DLC1: variants seen among roughly 807,000 people sequenced by gnomAD.
DLC1 encodes rho GTPase-activating protein 7.
In DLC1, 54 loss-of-function variants were observed where a neutral mutation model predicts 140.3. That is an observed-to-expected ratio of 0.38 (90% CI 0.31 to 0.48). DLC1 has a LOEUF of 0.48. Among genes scored for constraint, DLC1 ranks in the 20% least tolerant of loss-of-function variants. The pLI, the probability that DLC1 is intolerant of heterozygous loss-of-function variation, is 0.96. For synonymous variants in DLC1, 986 were observed against 728.1 expected (o/e 1.35, Z -5.70); for missense variants, 2,536 against 1,907.0 (o/e 1.33, Z -6.14).
intron 1 of DLC1, among the ~76,000 whole-genome samples, chr8:13,528,938 G>A (rs1803005953): frequency 6.6e-6 from 1 of 152,148 alleles, no homozygotes; most frequent in Admixed American, 6.6e-5. Flanking sequence ...AGAGAAGACT[G>A]TTCTATCACC....
chr8:13,295,938 C>CTTTTTTTTTTTTTTTTTTTTTTTT lies in DLC1; in HGVS notation c.1348+9330_1348+9331insAAAAAAAAAAAAAAAAAAAAAAAA, dbSNP rs34697767. ...ATCTAAGAGATGATCAGATAAGATT[C>CTTTTTTTTTTTTTTTTTTTTTTTT]TTTGTTTTTTTTTTTTTTTTTTTTT... On this transcript the variant is annotated intron_variant, in intron 5 of 17. Transcript: ENST00000276297. 1.1e-4 allele frequency among the ~76,000 whole-genome samples: 6 copies of CTTTTTTTTTTTTTTTTTTTTTTTT among 53,344 alleles called. 1 individual carries two copies. The highest frequency in any genetic ancestry group is 1.1e-4 in the Non-Finnish European group (3 of 27,138). The allele number at this position is 53,344 out of a possible 152,430, so 35.0% of individuals were successfully genotyped here.
chr8:13,152,824 G>GAGAAAAAA (rs1554451776), intron 5 of DLC1, among the ~76,000 whole-genome samples: 2 of 91,346 alleles, frequency 2.2e-5, no homozygotes, highest in African/African-American at 4.2e-5. Flanking sequence ...CTCTGGGGAA[G>GAGAAAAAA]AAAAAAAAAA....
intron 5 of DLC1, among the ~76,000 whole-genome samples, chr8:13,239,035 T>A (rs1829422586): frequency 6.6e-6 from 1 of 152,208 alleles, no homozygotes; most frequent in South Asian, 2.1e-4. Context: ...AGTCAGGTTC[T>A]GAATATACAA....
At chr8:13,159,296 G>A (rs1824508522) in intron 5 of DLC1, among the ~76,000 whole-genome samples, 2 of 152,158 alleles carry the variant, frequency 1.3e-5, no homozygotes, top group African/African-American at 2.4e-5. Context: ...AGTATCACAC[G>A]GGATGCCAAG....
At chr8:13,385,651 T>C (rs1348971657) in intron 4 of DLC1, among the ~76,000 whole-genome samples, 1 of 152,228 alleles carries the variant, frequency 6.6e-6, no homozygotes, top group East Asian at 1.9e-4. Flanking sequence ...ATTTTCAGAC[T>C]ACTCATATGG....
intron 4 of DLC1, among the ~76,000 whole-genome samples, chr8:13,392,834 G>GTTA (rs1554511230): frequency 1.9e-4 from 1 of 5,242 alleles, no homozygotes; most frequent in African/African-American, 3.6e-4. Context: ...TGTGGAATAA[G>GTTA]TTTTAATAGC....
At chr8:13,479,328 G>C (rs1315976239) in intron 2 of DLC1, among the ~76,000 whole-genome samples, 1 of 152,176 alleles carries the variant, frequency 6.6e-6, no homozygotes, top group East Asian at 1.9e-4. Flanking sequence ...ATCTGGTCCA[G>C]TGAGTCAAGA....
At chr8:13,454,841 T>C (rs1315730357) in intron 2 of DLC1, among the ~76,000 whole-genome samples, 1 of 152,172 alleles carries the variant, frequency 6.6e-6, no homozygotes, top group Non-Finnish European at 1.5e-5. Context: ...GTGTGAGCCA[T>C]TGTGCCTGGC....
chr8:13,416,779 G>C (rs1206514920), intron 2 of DLC1, among the ~76,000 whole-genome samples: 1 of 152,152 alleles, frequency 6.6e-6, no homozygotes, highest in Non-Finnish European at 1.5e-5. Flanking sequence ...TTACACTTGA[G>C]AGATTCTGGT....
intron 4 of DLC1, among the ~76,000 whole-genome samples, chr8:13,387,576 A>G (rs962935575): frequency 1.3e-5 from 2 of 151,950 alleles, no homozygotes; most frequent in Non-Finnish European, 2.9e-5. Flanking sequence ...GGGATATGTG[A>G]TTGGATTTAG....
In DLC1 at chr8:13,298,200, A is replaced by T. The variant is rs548610822; in HGVS notation, c.1348+7069T>A. Among the ~76,000 whole-genome samples, 11 of 152,302 alleles carry T rather than the reference A, an allele frequency of 7.2e-5. No homozygotes were observed. The East Asian group carries it at 2.1e-3, about 29-fold the overall frequency. On this transcript the variant is annotated intron_variant, in intron 5 of 17. Coordinates refer to ENST00000276297, the MANE Select transcript of DLC1 (RefSeq NM_182643.3). ...ATTTTTAACATTTTATGGCCAACCA[A>T]ATAAGCTCCAGGCAGGAGAATAAAC... is the stretch of plus-strand genomic sequence containing the variant.
chr8:13,358,406 T>C (rs962335608), intron 4 of DLC1, among the ~76,000 whole-genome samples: 5 of 152,238 alleles, frequency 3.3e-5, no homozygotes, highest in Non-Finnish European at 7.3e-5. Context: ...GAGTGGAGGA[T>C]GGCCTTTGAC....
intron 5 of DLC1, among the ~76,000 whole-genome samples, chr8:13,252,809 C>A (rs1322445732): frequency 6.6e-6 from 1 of 152,240 alleles, no homozygotes; most frequent in South Asian, 2.1e-4. Context: ...AGGTCTCTGA[C>A]CAAATAGTAA....
intron 5 of DLC1, among the ~76,000 whole-genome samples, chr8:13,131,073 C>A (rs1282976351): frequency 3.3e-5 from 5 of 152,218 alleles, no homozygotes; most frequent in African/African-American, 9.6e-5. Flanking sequence ...CCATTTGACA[C>A]TGGTTCCCCA....
chr8:13,522,943 G>A (rs908700804), intron 1 of DLC1, among the ~76,000 whole-genome samples: 1 of 152,086 alleles, frequency 6.6e-6, no homozygotes, highest in African/African-American at 2.4e-5. Context: ...CGTGTGCCTG[G>A]CAGTTTCCAG....
intron 1 of DLC1, among the ~76,000 whole-genome samples, chr8:13,552,728 A>AT: frequency 6.6e-6 from 1 of 151,914 alleles, no homozygotes; most frequent in African/African-American, 2.4e-5. Flanking sequence ...GTTTTGTCAT[A>AT]TTTTTTAAAT....
chr8:13,419,539 C>A (rs946345858), intron 2 of DLC1, among the ~76,000 whole-genome samples: 7 of 152,106 alleles, frequency 4.6e-5, no homozygotes, highest in African/African-American at 1.4e-4. Flanking sequence ...TATATTGAAC[C>A]ACCTGGCATC....
chr8:13,140,493 A>C (rs1232588136), intron 5 of DLC1, among the ~76,000 whole-genome samples: 6 of 151,830 alleles, frequency 4.0e-5, no homozygotes, highest in Non-Finnish European at 8.8e-5. Flanking sequence ...TCTGCCTTCC[A>C]AAGTGCTGGG....
At chr8:13,357,288 G>T (rs961458328) in intron 4 of DLC1, among the ~76,000 whole-genome samples, 1 of 152,134 alleles carries the variant, frequency 6.6e-6, no homozygotes, top group African/African-American at 2.4e-5. Flanking sequence ...GAAAAGTCCT[G>T]CCCTGGCTCC....
Sources: gnomAD v4.1 joint callset for allele counts (sites outside exome capture counted in the v4.1 genomes callset) on GRCh38, gnomAD v4.1.1 for gene constraint, MANE v1.5 for transcripts, NCBI Gene and HGNC (gene_info 2026-07-23, HGNC 2026-07-21) for gene names.